KIF27: variants seen among roughly 807,000 people sequenced by gnomAD.
The protein encoded by KIF27 is kinesin family member 27.
In KIF27, 84 loss-of-function variants were observed where a neutral mutation model predicts 141.8. The ratio of observed to expected loss-of-function variants is 0.59; its 90% CI spans 0.50 to 0.71. The LOEUF is 0.71. KIF27 is among the 30% of genes least tolerant of loss of function. The probability of loss-of-function intolerance (pLI) is 0.00; values close to 1 mark genes in which losing one functional copy is unlikely to be tolerated. For synonymous variants in KIF27, 471 were observed against 569.5 expected, an observed-to-expected ratio of 0.83 and a Z score of 2.46; for missense variants, 1,306 against 1,628.4, an observed-to-expected ratio of 0.80 and a Z score of 3.41.
At chr9:83,855,945 G>A (rs906200963) in intron 14 of KIF27, among the ~76,000 whole-genome samples, 5 of 152,160 alleles carry the variant, frequency 3.3e-5, no homozygotes, top group African/African-American at 1.2e-4. Context: ...AGGACAGCCC[G>A]CTCCAGTGAG....
In KIF27 at chr9:83,891,480, G is replaced by A; in HGVS notation, c.1624C>T (p.Gln542Ter). 1 of 1,612,466 alleles carries A rather than the reference G, an allele frequency of 6.2e-7. No individual in the cohort carries two copies. Among genetic ancestry groups the A allele is most frequent in the Non-Finnish European group, 8.5e-7 (1 of 1,179,158 alleles). ...RLQNEKIIEQQLLVDQLSEEL... is the reference protein window; with the variant it reads ...RLQNEKIIEQ ...TCACTCAGTTGATCCACAAGAAGTT[G>A]TTGTTCTATTATTTTTTCATTCTTT... The change falls in exon 6 of 18, where the codon CAA (glutamine) becomes TAA (stop). Residue 542 changes from glutamine to a stop codon, truncating the protein, a stop_gained. Transcript: ENST00000297814. LOFTEE classifies it high-confidence loss of function.
chr9:83,867,585 C>T, intron 13 of KIF27, 99 bp downstream of exon 13: 1 of 1,401,670 alleles, frequency 7.1e-7, no homozygotes. Flanking sequence ...TCCACCTCCT[C>T]CCACACATTT....
At chr9:83,918,891 C>A (rs1955970412) in intron 1 of KIF27, among the ~76,000 whole-genome samples, 1 of 152,162 alleles carries the variant, frequency 6.6e-6, no homozygotes, top group Admixed American at 6.5e-5. Context: ...GCCTGAACAA[C>A]ATGGTGAAAC....
At chr9:83,848,251 TATGATATATATGATATATCAG>T (rs1947910398) in intron 16 of KIF27, among the ~76,000 whole-genome samples, 2 of 93,936 alleles carry the variant, frequency 2.1e-5, no homozygotes, top group Non-Finnish European at 4.3e-5. Context: ...ATATATCAGA[TATGATATATATGATATATCAG>T]ATATGATATA....
intron 2 of KIF27, among the ~76,000 whole-genome samples, chr9:83,914,227 C>G (rs1196205766): frequency 6.6e-6 from 1 of 150,878 alleles, no homozygotes; most frequent in Non-Finnish European, 1.5e-5. Flanking sequence ...AAAAAAAACC[C>G]TACAATCCTA....
Position 83,837,428 on chromosome 9 carries a change from T to C in KIF27, c.3779A>G (p.Glu1260Gly), listed in dbSNP as rs149899595. The C allele has an allele frequency of 1.9e-6, 3 of 1,613,340 alleles. No homozygotes were observed. The African/African-American group carries it at 4.0e-5, about 22-fold the overall frequency. Residue 1260 changes from glutamate (E) to glycine (G), a missense_variant, in exon 18 of 18, where the codon GAA becomes GGA. By Grantham distance (98) the Glu-to-Gly change is moderately conservative. Coordinates refer to ENST00000297814, the MANE Select transcript of KIF27 (RefSeq NM_017576.4). ...KPEGGGMLSE[E>G]LKWASRPESM... is the part of the protein sequence containing the mutation. ...TTCAGGTCTGGATGCCCATTTTAAT[T>C]CTTCTGAAAGCATGCCTCCTCCTTC... is the stretch of plus-strand genomic sequence containing the variant.
chr9:83,916,224 G>C (rs1049262369), intron 1 of KIF27, among the ~76,000 whole-genome samples: 3 of 152,060 alleles, frequency 2.0e-5, no homozygotes, highest in Non-Finnish European at 4.4e-5. Context: ...GTAGAGACAG[G>C]GTTTCACCAT....
At chr9:83,907,522 A>C (rs1954688390) in intron 3 of KIF27, among the ~76,000 whole-genome samples, 1 of 152,082 alleles carries the variant, frequency 6.6e-6, no homozygotes, top group Admixed American at 6.6e-5. Flanking sequence ...ATTCTTTAAA[A>C]TATTTGCAGT....
rs1949607615 is a variant in KIF27, at chr9:83,859,247, A to G, written c.3059T>C (p.Val1020Ala). ...AEEKTKISEQVEVLQKEKDQL... is the reference protein window; with the variant it reads ...AEEKTKISEQAEVLQKEKDQL... Reference sequence around the variant, plus strand: ...ATCCTTTTCTTTCTGGAGGACTTCAACTTGTTCTGAAATCTTTGTTTTCTC... The same window carrying G: ...ATCCTTTTCTTTCTGGAGGACTTCAGCTTGTTCTGAAATCTTTGTTTTCTC... Residue 1020 changes from valine to alanine, a missense_variant, in exon 14 of 18, where the codon GTT (valine) becomes GCT (alanine). By Grantham distance (64) the Val-to-Ala change is moderately conservative. Around this residue, in one of 4 missense-constraint regions of KIF27, gnomAD observed 596 missense variants for 751.6 expected, o/e 0.79. Coordinates refer to ENST00000297814, the MANE Select transcript of KIF27 (RefSeq NM_017576.4). The G allele has an allele frequency of 6.2e-7, 1 of 1,614,030 alleles. No individual in the cohort carries two copies. The highest frequency in any genetic ancestry group is 8.5e-7 in the Non-Finnish European group (1 of 1,179,966).
chr9:83,911,399 T>G (rs1955151301), intron 2 of KIF27, among the ~76,000 whole-genome samples: 1 of 151,832 alleles, frequency 6.6e-6, no homozygotes, highest in Non-Finnish European at 1.5e-5. Flanking sequence ...CATGGCTAAT[T>G]TTTGTATTTT....
intron 1 of KIF27, among the ~76,000 whole-genome samples, chr9:83,916,662 C>CTTTTTT (rs34391682): frequency 8.1e-6 from 1 of 123,036 alleles, no homozygotes. Context: ...ACAATGAACA[C>CTTTTTT]TTTTTTTTTT....
chr9:83,905,110 C>T, intron 3 of KIF27, among the ~76,000 whole-genome samples: 1 of 151,362 alleles, frequency 6.6e-6, no homozygotes, highest in Non-Finnish European at 1.5e-5. Context: ...TGTTTATATC[C>T]AAAAATATTT....
chr9:83,852,402 G>A (rs1219387210), intron 15 of KIF27, among the ~76,000 whole-genome samples: 3 of 150,610 alleles, frequency 2.0e-5, no homozygotes, highest in African/African-American at 4.9e-5. Flanking sequence ...GCACTGAGCC[G>A]AGATCACGCC....
chr9:83,859,332 T>A lies in KIF27; in HGVS notation c.2974A>T (p.Asn992Tyr). 1 of 1,614,128 alleles carries A rather than the reference T, an allele frequency of 6.2e-7. No individual in the cohort carries two copies. The highest frequency in any genetic ancestry group is 1.7e-5 in the Admixed American group (1 of 60,016). ...TDSLKISTRLNLLEQELSEKN... is the reference protein window; with the variant it reads ...TDSLKISTRLYLLEQELSEKN... Reference sequence around the variant, plus strand: ...TCAGACAACTCTTGTTCCAGTAAGTTCAGGCGAGTTGATATTTTCAAACTA... The same window carrying A: ...TCAGACAACTCTTGTTCCAGTAAGTACAGGCGAGTTGATATTTTCAAACTA... The change falls in exon 14 of 18, where the codon AAC (asparagine) becomes TAC (tyrosine). Residue 992 changes from asparagine (N) to tyrosine (Y), a missense_variant. Asn to Tyr is a moderately radical substitution (Grantham distance 143). Coordinates refer to ENST00000297814, the MANE Select transcript of KIF27 (RefSeq NM_017576.4).
chr9:83,904,073 GT>G, intron 3 of KIF27, 55 bp from the exon 4 acceptor site: 1 of 1,376,754 alleles, frequency 7.3e-7, no homozygotes, highest in African/African-American at 1.4e-5. Context: ...ACCTAGTATA[GT>G]TAACAGTTAC....
intron 17 of KIF27, among the ~76,000 whole-genome samples, chr9:83,841,453 G>A (rs1014301494): frequency 1.3e-4 from 20 of 152,096 alleles, no homozygotes; most frequent in African/African-American, 4.6e-4. Context: ...TACATCTTGT[G>A]TGCCCATCTT....
rs1952347686 is a variant in KIF27, at chr9:83,888,603, A to C, written c.1980-11T>G. On this transcript the variant is annotated splice_polypyrimidine_tract_variant and intron_variant, in intron 7 of 17. Coordinates refer to ENST00000297814, the MANE Select transcript of KIF27 (RefSeq NM_017576.4). ...GAACGACTTCTACATCTTAAAAAAA[A>C]ATCAGAAAGTTAACTTATTTGTTCG... 1 of 1,482,508 alleles carries C rather than the reference A, an allele frequency of 6.7e-7. No individual in the cohort carries two copies. The highest frequency in any genetic ancestry group is 1.4e-5 in the African/African-American group (1 of 70,132). The allele number at this position is 1,482,508 out of a possible 1,614,324, so 91.8% of individuals were successfully genotyped here. A position where few individuals can be genotyped will look rare whatever the true frequency, so the allele number is the denominator to read the frequency against.
rs1428556558 is a variant in KIF27, at chr9:83,834,917, A to G, written c.*2084T>C. Among the ~76,000 whole-genome samples the G allele has an allele frequency of 6.8e-6, 1 of 147,558 alleles. No individual in the cohort carries two copies. Among genetic ancestry groups the G allele is most frequent in the Non-Finnish European group, 1.5e-5 (1 of 67,328 alleles). ...GTATAACCTATATCTATATACAAGT[A>G]TATATATAATACTATATATATACAA... On this transcript the variant is annotated 3_prime_UTR_variant, in exon 18 of 18. Coordinates refer to ENST00000297814, the MANE Select transcript of KIF27 (RefSeq NM_017576.4).
At chr9:83,915,120 A>G (rs992292987) in intron 2 of KIF27, among the ~76,000 whole-genome samples, 174 bp downstream of exon 2, 2 of 152,236 alleles carry the variant, frequency 1.3e-5, no homozygotes, top group Non-Finnish European at 2.9e-5. Context: ...TGAAACTTCA[A>G]TATTTAAAAA....
Sources: allele counts gnomAD v4.1 joint callset (sites outside exome capture counted in the v4.1 genomes callset), GRCh38; gene constraint gnomAD v4.1.1; regional missense constraint gnomAD v4.1.1; transcripts MANE v1.5; gene names NCBI Gene and HGNC (gene_info 2026-07-23, HGNC 2026-07-21).